Variants in POLQ observed in about 807,000 individuals in gnomAD.
POLQ encodes epididymis secretory sperm binding protein.
Under a neutral mutation model 259.2 loss-of-function variants are expected in POLQ, and 233 were observed. The observed-to-expected ratio is 0.90, with a 90% CI of 0.81 to 1.00. The LOEUF is 1.00. POLQ is among the 50% of genes least tolerant of loss of function. POLQ has a pLI of 0.00. For missense variants in POLQ, 2,871 were observed against 3,051.6 expected, an observed-to-expected ratio of 0.94 and a Z score of 1.39; for synonymous variants, 1,025 against 1,048.8, an observed-to-expected ratio of 0.98 and a Z score of 0.44.
intron 5 of POLQ, among the ~76,000 whole-genome samples, chr3:121,534,491 A>T (rs1025063562): frequency 2.6e-5 from 4 of 151,932 alleles, no homozygotes; most frequent in African/African-American, 9.7e-5. Flanking sequence ...GCCCAGCCAA[A>T]TTTTGTATTT....
chr3:121,435,925 A>G (rs940742739), intron 28 of POLQ, among the ~76,000 whole-genome samples, 197 bp downstream of exon 28: 1 of 152,236 alleles, frequency 6.6e-6, no homozygotes, highest in African/African-American at 2.4e-5. Context: ...TTAATTTATA[A>G]TATGGTAAAT....
chr3:121,496,785 G>GTGAA (rs2048127892), intron 14 of POLQ, 23 bp downstream of exon 14: 1 of 1,592,476 alleles, frequency 6.3e-7, no homozygotes, highest in South Asian at 1.2e-5. Context: ...TTAAATAAAT[G>GTGAA]TGAAACCCTT....
At chr3:121,531,393 G>A (rs754419483) in intron 6 of POLQ, among the ~76,000 whole-genome samples, 8 of 152,066 alleles carry the variant, frequency 5.3e-5, no homozygotes, top group Non-Finnish European at 1.0e-4. Context: ...AAGAGAACCT[G>A]AGGCCAGAAA....
At chr3:121,541,025 T>G (rs2048485695) in intron 3 of POLQ, among the ~76,000 whole-genome samples, 1 of 151,854 alleles carries the variant, frequency 6.6e-6, no homozygotes, top group South Asian at 2.1e-4. Flanking sequence ...GAATTACAGG[T>G]GTGCGCCACA....
rs200227584 is a variant in POLQ, at chr3:121,488,948, G to C, written c.3983C>G (p.Ser1328Ter). The C allele has an allele frequency of 3.4e-4, 553 of 1,613,768 alleles. 1 individual carries two copies. The highest frequency in any genetic ancestry group is 4.6e-4 in the Non-Finnish European group (541 of 1,179,818). ...TGCCATCTGTTGTATTATTTTCTCT[G>C]ACTGAGTATCCAGATAGAAACTATC... ...FEDSFYLDTQ[S>*]EKIIQQMATE... Residue 1328 changes from serine to a stop codon, truncating the protein, a stop_gained, in exon 16 of 30, where the codon TCA becomes TGA. Transcript: ENST00000264233. LOFTEE classifies it high-confidence loss of function.
chr3:121,526,890 T>TGTGTGTGCGC lies in POLQ; in HGVS notation c.1108+2754_1108+2755insGCGCACACAC, dbSNP rs542001955. Among the ~76,000 whole-genome samples, 20 of 151,464 alleles carry TGTGTGTGCGC rather than the reference T, an allele frequency of 1.3e-4. No individual in the cohort carries two copies. In the South Asian group the frequency reaches 3.8e-3, roughly 29 times the overall value. Reference sequence around the variant, plus strand: ...GTGTCTCTGTATGTGTGTGTGTGTGTGCGCGCGCGCACGCACGTGCATCTG... The same window carrying TGTGTGTGCGC: ...GTGTCTCTGTATGTGTGTGTGTGTGTGTGTGTGCGCGCGCGCGCGCACGCACGTGCATCTG... On this transcript the variant is annotated intron_variant, in intron 7 of 29. Transcript: ENST00000264233.
At chr3:121,434,567 A>G (rs957273488) in intron 28 of POLQ, among the ~76,000 whole-genome samples, 3 of 152,240 alleles carry the variant, frequency 2.0e-5, no homozygotes, top group African/African-American at 7.2e-5. Context: ...ATATACACAC[A>G]TAGTCCCACA....
chr3:121,477,963 C>T lies in POLQ; in HGVS notation c.6212-1230G>A, dbSNP rs535294918. On this transcript the variant is annotated intron_variant, in intron 19 of 29. Coordinates refer to ENST00000264233, the MANE Select transcript of POLQ (RefSeq NM_199420.4). ...AGCCTGGAACTAGTGGAGAAATTCA[C>T]GTTACTTGAGACTAGAGAAATAATG... is the stretch of plus-strand genomic sequence containing the variant. Among the ~76,000 whole-genome samples, 20 of 152,216 alleles carry T rather than the reference C, an allele frequency of 1.3e-4. No individual in the cohort carries two copies. The East Asian group carries it at 3.7e-3, about 28-fold the overall frequency.
chr3:121,511,767 G>C, intron 10 of POLQ, 120 bp downstream of exon 10: 1 of 781,322 alleles, frequency 1.3e-6, no homozygotes, highest in Non-Finnish European at 1.9e-6. Flanking sequence ...AACAGAGTGA[G>C]ACTCTGTCTC....
intron 25 of POLQ, among the ~76,000 whole-genome samples, chr3:121,457,078 C>T (rs930016213): frequency 2.2e-4 from 34 of 152,058 alleles, no homozygotes; most frequent in Non-Finnish European, 3.7e-4. Context: ...GAAATAACGC[C>T]GCATATCTAC....
intron 24 of POLQ, among the ~76,000 whole-genome samples, chr3:121,462,715 A>G (rs2047802074): frequency 1.3e-5 from 2 of 152,316 alleles, no homozygotes; most frequent in South Asian, 4.1e-4. Flanking sequence ...GCTGTAACAA[A>G]CAAGACTGAG....
At chr3:121,516,335 A>G (rs1243299097) in intron 9 of POLQ, among the ~76,000 whole-genome samples, 4 of 152,222 alleles carry the variant, frequency 2.6e-5, no homozygotes, top group African/African-American at 9.6e-5. Flanking sequence ...GCCCAGCTTA[A>G]GAAAGAAAAC....
intron 20 of POLQ, 143 bp downstream of exon 20, chr3:121,476,397 C>T: frequency 1.9e-6 from 1 of 536,464 alleles, no homozygotes; most frequent in East Asian, 3.1e-5. Flanking sequence ...TAGAATATTC[C>T]CAAAGCAATC....
intron 20 of POLQ, among the ~76,000 whole-genome samples, chr3:121,475,179 T>C (rs1414783497): frequency 2.6e-5 from 4 of 152,160 alleles, no homozygotes; most frequent in African/African-American, 7.2e-5. Flanking sequence ...TAAAACTTTA[T>C]ACCCTTTGAC....
intron 7 of POLQ, among the ~76,000 whole-genome samples, chr3:121,525,936 T>C (rs2048370498): frequency 6.6e-6 from 1 of 152,188 alleles, no homozygotes; most frequent in Admixed American, 6.5e-5. Context: ...ATTTCGTTCA[T>C]ACCTCCACCT....
intron 14 of POLQ, among the ~76,000 whole-genome samples, chr3:121,496,158 C>T (rs1560099935): frequency 6.7e-6 from 1 of 149,880 alleles, no homozygotes; most frequent in Admixed American, 6.7e-5. Context: ...TCCTTCTCCT[C>T]AACAATATGG....
At chr3:121,532,238 T>C (rs1008937481) in intron 6 of POLQ, among the ~76,000 whole-genome samples, 1 of 151,986 alleles carries the variant, frequency 6.6e-6, no homozygotes, top group African/African-American at 2.4e-5. Flanking sequence ...ATATCAAGTA[T>C]CTCTATTAAG....
intron 5 of POLQ, among the ~76,000 whole-genome samples, chr3:121,533,871 A>G (rs980708274): frequency 6.7e-6 from 1 of 149,406 alleles, no homozygotes; most frequent in South Asian, 2.1e-4. Context: ...ACTACTGAGC[A>G]TCACTTCATG....
chr3:121,453,951 G>T (rs1053620617), intron 25 of POLQ, among the ~76,000 whole-genome samples: 12 of 152,306 alleles, frequency 7.9e-5, no homozygotes, highest in Middle Eastern at 3.4e-3. Context: ...AAGTTGAAAT[G>T]AAGGAAAAAA....
Sources: allele counts gnomAD v4.1 joint callset (sites outside exome capture counted in the v4.1 genomes callset), GRCh38; gene constraint gnomAD v4.1.1; transcripts MANE v1.5; gene names NCBI Gene and HGNC (gene_info 2026-07-23, HGNC 2026-07-21).